INPP4B: variants seen among roughly 807,000 people sequenced by gnomAD.
The protein encoded by INPP4B is inositol polyphosphate 4-phosphatase type II.
INPP4B carries 55 observed loss-of-function variants against 122.5 expected under a neutral mutation model. That is an observed-to-expected ratio of 0.45 (90% confidence interval 0.36 to 0.56). INPP4B has a LOEUF of 0.56. Among genes scored for constraint, INPP4B ranks in the 20% least tolerant of loss-of-function variants. The probability of loss-of-function intolerance (pLI) is 0.00; values close to 1 mark genes in which losing one functional copy is unlikely to be tolerated. For missense variants in INPP4B, 1,000 were observed against 1,097.7 expected, an observed-to-expected ratio of 0.91 and a Z score of 1.26; for synonymous variants, 403 against 388.7, an observed-to-expected ratio of 1.04 and a Z score of -0.43.
At chr4:142,427,405 G>GT (rs1808341791) in intron 5 of INPP4B, 3 of 499,558 alleles carry the variant, frequency 6.0e-6, no homozygotes, top group Admixed American at 3.6e-5. Flanking sequence ...AGAAATTGAA[G>GT]TTTTTTATAC....
At chr4:142,524,046 C>A (rs1250475043) in intron 2 of INPP4B, among the ~76,000 whole-genome samples, 1 of 150,770 alleles carries the variant, frequency 6.6e-6, no homozygotes, top group African/African-American at 2.4e-5. Flanking sequence ...TTTTCTTAAT[C>A]CAGTCTATCA....
chr4:142,252,214 A>G (rs1347822821), intron 11 of INPP4B, among the ~76,000 whole-genome samples: 8 of 124,804 alleles, frequency 6.4e-5, no homozygotes, highest in Admixed American at 1.9e-4. Context: ...TTTGAGACGG[A>G]GTCTCGCTCT....
Position 142,335,116 on chromosome 4 carries a change from A to T in INPP4B, c.373-20354T>A, listed in dbSNP as rs868296548. 5.7e-3 allele frequency among the ~76,000 whole-genome samples: 862 copies of T among 150,766 alleles called. 12 individuals are homozygous for T. The highest frequency in any genetic ancestry group is 0.019 in the African/African-American group (778 of 41,196). ...TACTTCCTGGGAAAAATGAAAAAAA[A>T]AAAAAAAAAAAAAAAAGTCTGAGTA... On this transcript the variant is annotated intron_variant, in intron 7 of 25. Coordinates refer to ENST00000262992, the MANE Select transcript of INPP4B (RefSeq NM_001101669.3).
At chr4:142,359,242 C>A (rs553744031) in intron 7 of INPP4B, among the ~76,000 whole-genome samples, 1 of 151,612 alleles carries the variant, frequency 6.6e-6, no homozygotes, top group Non-Finnish European at 1.5e-5. Context: ...AAAAAACAGG[C>A]TCTGGAGCCA....
chr4:142,556,908 T>G (rs1196000801), intron 2 of INPP4B, among the ~76,000 whole-genome samples: 1 of 152,156 alleles, frequency 6.6e-6, no homozygotes, highest in East Asian at 1.9e-4. Flanking sequence ...GTCAGGAGAA[T>G]AGAAGACAGA....
At chr4:142,532,958 G>T (rs953883657) in intron 2 of INPP4B, among the ~76,000 whole-genome samples, 14 of 152,228 alleles carry the variant, frequency 9.2e-5, no homozygotes, top group Admixed American at 7.2e-4. Context: ...ACAACGCCAA[G>T]AATTAGAGTT....
chr4:142,704,811 T>C (rs1219509934), intron 2 of INPP4B, among the ~76,000 whole-genome samples: 3 of 152,194 alleles, frequency 2.0e-5, no homozygotes, highest in African/African-American at 7.2e-5. Context: ...CATTTATTCT[T>C]ACCACTCACA....
intron 7 of INPP4B, among the ~76,000 whole-genome samples, chr4:142,334,097 C>T (rs1775680288): frequency 6.6e-6 from 1 of 152,130 alleles, no homozygotes; most frequent in Admixed American, 6.5e-5. Context: ...TTAGATTCCG[C>T]ATGTGAGAAC....
chr4:142,580,022 C>G (rs115137769), intron 2 of INPP4B, among the ~76,000 whole-genome samples: 1 of 151,190 alleles, frequency 6.6e-6, no homozygotes. Context: ...ACGCAGACTT[C>G]GCTCTATTTG....
At chr4:142,116,916 G>A (rs1004091166) in intron 21 of INPP4B, among the ~76,000 whole-genome samples, 24 of 151,718 alleles carry the variant, frequency 1.6e-4, no homozygotes, top group Non-Finnish European at 2.7e-4. Flanking sequence ...GACCGGTAGC[G>A]AAACTAATAA....
intron 1 of INPP4B, among the ~76,000 whole-genome samples, chr4:142,806,007 G>A (rs1158510144): frequency 8.5e-5 from 13 of 152,138 alleles, no homozygotes. Context: ...GAGGCCGGGT[G>A]CAGTAGCTCA....
intron 1 of INPP4B, among the ~76,000 whole-genome samples, chr4:142,747,344 T>A (rs553679489): frequency 1.3e-5 from 2 of 152,212 alleles, no homozygotes; most frequent in Admixed American, 1.3e-4. Flanking sequence ...CCAGTTAGAA[T>A]GGCGATCATT....
rs865979590 is a variant in INPP4B at position 142,137,380 on chromosome 4, C to T, written c.1720+8460G>A. Among the ~76,000 whole-genome samples the T allele has an allele frequency of 8.8e-3, 1,143 of 129,886 alleles. 6 individuals carry two copies. The highest frequency in any genetic ancestry group is 0.014 in the Middle Eastern group (4 of 276). The allele number at this position is 129,886 out of a possible 152,430, so 85.2% of individuals were successfully genotyped here. A position where few individuals can be genotyped will look rare whatever the true frequency, so the allele number is the denominator to read the frequency against. ...CCTTCCTTACACCTTATACAAAAAT[C>T]AATTCAAGATGGATTAAAGACTTAA... On this transcript the variant is annotated intron_variant, in intron 18 of 25. Coordinates refer to ENST00000262992, the MANE Select transcript of INPP4B (RefSeq NM_001101669.3).
At chr4:142,224,027 G>C (rs558463922) in intron 12 of INPP4B, among the ~76,000 whole-genome samples, 1 of 152,030 alleles carries the variant, frequency 6.6e-6, no homozygotes, top group Non-Finnish European at 1.5e-5. Flanking sequence ...GATTTTCACT[G>C]TGCATTTGTT....
chr4:142,190,937 A>G (rs1283524475), intron 15 of INPP4B, among the ~76,000 whole-genome samples: 1 of 152,156 alleles, frequency 6.6e-6, no homozygotes, highest in East Asian at 1.9e-4. Context: ...GATGCTTTCT[A>G]TGCTCAACAG....
At chr4:142,808,407 C>T (rs770323482) in intron 1 of INPP4B, among the ~76,000 whole-genome samples, 18 of 152,072 alleles carry the variant, frequency 1.2e-4, no homozygotes, top group Admixed American at 3.9e-4. Flanking sequence ...ATTTATAATA[C>T]CTGTTTCAAG....
At chr4:142,222,633 G>A (rs897237430) in intron 12 of INPP4B, among the ~76,000 whole-genome samples, 4 of 152,138 alleles carry the variant, frequency 2.6e-5, no homozygotes, top group African/African-American at 9.7e-5. Flanking sequence ...CAAAACTGAG[G>A]AATTATTTTT....
chr4:142,427,026 T>C (rs2149346882), intron 5 of INPP4B: 1 of 152,174 alleles, frequency 6.6e-6, no homozygotes, highest in East Asian at 1.9e-4. Context: ...TATTCTTTCA[T>C]TGGGAAATGA....
intron 25 of INPP4B, among the ~76,000 whole-genome samples, chr4:142,069,522 CA>C (rs536275850): frequency 0.026 from 3,902 of 151,934 alleles, 186 homozygotes; most frequent in African/African-American, 0.089. Context: ...AAAAACCGTT[CA>C]AAAAAATCAA....
Sources: gnomAD v4.1 joint callset for allele counts (sites outside exome capture counted in the v4.1 genomes callset) on GRCh38, gnomAD v4.1.1 for gene constraint, MANE v1.5 for transcripts, NCBI Gene and HGNC (gene_info 2026-07-23, HGNC 2026-07-21) for gene names.